Variants in CNTNAP5 observed in about 807,000 individuals in gnomAD.
The protein encoded by CNTNAP5 is contactin-associated protein-like 5.
CNTNAP5 carries 72 observed loss-of-function variants against 150.2 expected under a neutral mutation model. The ratio of observed to expected loss-of-function variants is 0.48; its 90% confidence interval spans 0.40 to 0.58. The LOEUF (loss-of-function observed/expected upper bound fraction) is 0.58, where lower values mean the gene tolerates loss of function less well. Among genes scored for constraint, CNTNAP5 ranks in the 20% least tolerant of loss-of-function variants. CNTNAP5 has a pLI of 0.00. For missense variants in CNTNAP5, 1,636 were observed against 1,626.2 expected (o/e 1.01, Z -0.10); for synonymous variants, 672 against 619.8 (o/e 1.08, Z -1.25).
At position 124,790,121 on chromosome 2, in the gene CNTNAP5, A is replaced by G. The variant is rs1681693243; in HGVS notation, c.2972A>G (p.Glu991Gly). The G allele has an allele frequency of 6.2e-7, 1 of 1,613,512 alleles. No individual in the cohort carries two copies. Among genetic ancestry groups the G allele is most frequent in the African/African-American group, 1.3e-5 (1 of 74,912 alleles). The change falls in exon 18 of 24, where the codon GAA (glutamate) becomes GGA (glycine). Residue 991 changes from glutamate to glycine, a missense_variant. By Grantham distance (98) the Glu-to-Gly change is moderately conservative (BLOSUM62 -2). Coordinates refer to ENST00000682447, the MANE Select transcript of CNTNAP5 (RefSeq NM_001367498.1). Reference protein sequence around the residue: ...YLCDCTNSPYEGPFCKKEVSA... With the variant: ...YLCDCTNSPYGGPFCKKEVSA... ...TGTGATTGCACCAATTCACCTTATG[A>G]AGGGCCCTTTTGCAAAAAAGGTACC...
chr2:124,547,082 C>A (rs975025130), intron 10 of CNTNAP5, among the ~76,000 whole-genome samples: 1 of 152,116 alleles, frequency 6.6e-6, no homozygotes, highest in Non-Finnish European at 1.5e-5. Flanking sequence ...TCCCCCACCC[C>A]CGACCAAAAC....
At chr2:124,571,170 C>G (rs769109549) in intron 11 of CNTNAP5, among the ~76,000 whole-genome samples, 6 of 152,138 alleles carry the variant, frequency 3.9e-5, no homozygotes, top group Non-Finnish European at 8.8e-5. Context: ...AGTTGGACTT[C>G]AGTCTAGTTT....
At chr2:124,053,011 G>A (rs562541929) in intron 1 of CNTNAP5, among the ~76,000 whole-genome samples, 17 of 40,128 alleles carry the variant, frequency 4.2e-4, no homozygotes, top group Admixed American at 1.6e-3. Flanking sequence ...TCCCTCCCCC[G>A]TCCCTGCTCT....
At chr2:124,504,873 A>T (rs917677294) in intron 8 of CNTNAP5, among the ~76,000 whole-genome samples, 1 of 151,374 alleles carries the variant, frequency 6.6e-6, no homozygotes, top group Non-Finnish European at 1.5e-5. Flanking sequence ...CATCCAGCTA[A>T]TTTTTTTTAT....
chr2:124,247,888 G>A lies in CNTNAP5; in HGVS notation c.381+5495G>A, dbSNP rs1033360824. ...TGTTAAATAATAAAGACTACATGTA[G>A]GAACATGGTCTCAAATATATTTGTC... On this transcript the variant is annotated intron_variant, in intron 3 of 23. Transcript: ENST00000682447. 3.3e-5 allele frequency among the ~76,000 whole-genome samples: 5 copies of A among 152,108 alleles called. 1 individual carries two copies. The highest frequency in any genetic ancestry group is 1.2e-4 in the African/African-American group (5 of 41,434).
chr2:124,340,109 C>T (rs1394452990), intron 3 of CNTNAP5, among the ~76,000 whole-genome samples: 1 of 152,140 alleles, frequency 6.6e-6, no homozygotes, highest in African/African-American at 2.4e-5. Context: ...TATTCATAAT[C>T]TTGTAGCCTT....
chr2:124,230,360 C>T (rs1190486953), intron 2 of CNTNAP5, among the ~76,000 whole-genome samples: 1 of 152,034 alleles, frequency 6.6e-6, no homozygotes, highest in Non-Finnish European at 1.5e-5. Flanking sequence ...AGGGAAAATC[C>T]TGGGAACCCA....
chr2:124,568,564 TATTATTTTAATAACTCCAA>T (rs1257131625), intron 11 of CNTNAP5, among the ~76,000 whole-genome samples: 2 of 152,228 alleles, frequency 1.3e-5, no homozygotes, highest in African/African-American at 2.4e-5. Context: ...CACCTCTAAA[TATTATTTTAATAACTCCAA>T]ATTATTTTAA....
chr2:124,768,847 T>C (rs1449265574), intron 16 of CNTNAP5, among the ~76,000 whole-genome samples: 1 of 152,176 alleles, frequency 6.6e-6, no homozygotes. Context: ...CCCTGCAATT[T>C]TGTGCAATAC....
In CNTNAP5 at chr2:124,582,567, G is replaced by C. The variant is rs76912646; in HGVS notation, c.1756+19244G>C. ...CAGCTGGGACACATCCCTGCAAAAG[G>C]GGGCTGCCAGCTTGTCTGGATGACC... On this transcript the variant is annotated intron_variant, in intron 11 of 23. Transcript: ENST00000682447. Among the ~76,000 whole-genome samples the C allele has an allele frequency of 0.026, 3,979 of 152,218 alleles. 322 individuals carry two copies. In the East Asian group the frequency reaches 0.28, roughly 11 times the overall value.
intron 3 of CNTNAP5, among the ~76,000 whole-genome samples, chr2:124,371,893 A>C (rs2104727725): frequency 6.6e-6 from 1 of 152,210 alleles, no homozygotes; most frequent in South Asian, 2.1e-4. Context: ...TGCAAAGAAG[A>C]TGTAATAGTT....
chr2:124,182,567 G>A (rs1028514643), intron 1 of CNTNAP5, among the ~76,000 whole-genome samples: 4 of 152,068 alleles, frequency 2.6e-5, no homozygotes, highest in Non-Finnish European at 5.9e-5. Context: ...GACAAATCCG[G>A]TGAAAATTAA....
At position 124,920,207 on chromosome 2, in the gene CNTNAP5, C is replaced by T. The variant is rs1014015849; in HGVS notation, c.*5919C>T. Among the ~76,000 whole-genome samples the T allele has an allele frequency of 3.3e-5, 5 of 152,182 alleles. No homozygotes were observed. The highest frequency in any genetic ancestry group is 4.1e-4 in the South Asian group (2 of 4,828). On this transcript the variant is annotated 3_prime_UTR_variant, in exon 24 of 24. Transcript: ENST00000682447. ...TGATTAACGCCTGGTCTTATTTTAACGAGTGTCATAGTCTTACATGCTTCA... is the reference window on the plus strand; with the variant it reads ...TGATTAACGCCTGGTCTTATTTTAATGAGTGTCATAGTCTTACATGCTTCA...
At chr2:124,229,349 G>C (rs924548272) in intron 2 of CNTNAP5, among the ~76,000 whole-genome samples, 2 of 152,004 alleles carry the variant, frequency 1.3e-5, no homozygotes, top group African/African-American at 4.8e-5. Flanking sequence ...TGGGCAATCC[G>C]GCACACGAGG....
intron 12 of CNTNAP5, among the ~76,000 whole-genome samples, chr2:124,624,894 C>T (rs1459616966): frequency 1.3e-5 from 2 of 152,088 alleles, no homozygotes; most frequent in African/African-American, 4.8e-5. Context: ...AGGCACCATG[C>T]TAGGTATTTT....
chr2:124,803,734 A>G (rs1682021617), intron 19 of CNTNAP5, among the ~76,000 whole-genome samples: 1 of 152,218 alleles, frequency 6.6e-6, no homozygotes, highest in Non-Finnish European at 1.5e-5. Context: ...TATTTTGAGC[A>G]CACTAACTCA....
chr2:124,192,709 T>G (rs925491659), intron 1 of CNTNAP5, among the ~76,000 whole-genome samples: 2 of 152,122 alleles, frequency 1.3e-5, no homozygotes, highest in African/African-American at 4.8e-5. Context: ...TGGGCTACTG[T>G]CCTCAAATCT....
At chr2:124,703,609 C>G (rs147905308) in intron 13 of CNTNAP5, among the ~76,000 whole-genome samples, 1 of 152,120 alleles carries the variant, frequency 6.6e-6, no homozygotes, top group Non-Finnish European at 1.5e-5. Flanking sequence ...TCACCTTGTG[C>G]GATGGCTAGT....
chr2:124,296,362 G>T (rs1688432057), intron 3 of CNTNAP5, among the ~76,000 whole-genome samples: 1 of 152,184 alleles, frequency 6.6e-6, no homozygotes, highest in African/African-American at 2.4e-5. Flanking sequence ...ATGCAGAGCG[G>T]CTCTTAACTG....
Sources: gnomAD v4.1 joint callset for allele counts (sites outside exome capture counted in the v4.1 genomes callset) on GRCh38, gnomAD v4.1.1 for gene constraint, MANE v1.5 for transcripts, NCBI Gene and HGNC (gene_info 2026-07-23, HGNC 2026-07-21) for gene names.